Variants in FTO observed in about 807,000 individuals in gnomAD.
FTO encodes the protein alpha-ketoglutarate-dependent dioxygenase FTO.
In FTO, 47 loss-of-function variants were observed where a neutral mutation model predicts 63.9. The observed-to-expected ratio is 0.74, with a 90% CI of 0.58 to 0.94. The LOEUF (loss-of-function observed/expected upper bound fraction) is 0.94, where lower values mean the gene tolerates loss of function less well. Ranked by LOEUF, FTO falls within the 40% of genes least tolerant of loss-of-function variation. FTO has a pLI of 0.00. For missense variants in FTO, 562 were observed against 618.1 expected, an observed-to-expected ratio of 0.91 and a Z score of 0.96; for synonymous variants, 207 against 224.4, an observed-to-expected ratio of 0.92 and a Z score of 0.69.
intron 1 of FTO, among the ~76,000 whole-genome samples, chr16:53,738,351 A>T (rs1179725897): frequency 6.6e-6 from 1 of 152,180 alleles, no homozygotes; most frequent in African/African-American, 2.4e-5. Flanking sequence ...TATGTTGCCT[A>T]GGCTGTTCTT....
intron 1 of FTO, among the ~76,000 whole-genome samples, chr16:53,772,611 C>A (rs1052378793): frequency 6.6e-6 from 1 of 152,142 alleles, no homozygotes; most frequent in Admixed American, 6.6e-5. Flanking sequence ...ATACATACCA[C>A]ACCTCTTTTC....
intron 4 of FTO, among the ~76,000 whole-genome samples, chr16:53,846,419 T>C (rs1197275724): frequency 1.3e-5 from 2 of 152,216 alleles, no homozygotes; most frequent in Admixed American, 1.3e-4. Flanking sequence ...CTTTGGATAC[T>C]TTGTTCAGAA....
At chr16:53,796,469 A>C (rs1299519907) in intron 1 of FTO, among the ~76,000 whole-genome samples, 2 of 152,176 alleles carry the variant, frequency 1.3e-5, no homozygotes, top group Non-Finnish European at 2.9e-5. Context: ...TAAAGCTAAA[A>C]CTCTGGAGAA....
At chr16:53,930,221 CTTT>C (rs1014205147) in intron 7 of FTO, among the ~76,000 whole-genome samples, 4 of 75,690 alleles carry the variant, frequency 5.3e-5, no homozygotes, top group Non-Finnish European at 1.0e-4. Context: ...TGATTATCTT[CTTT>C]TTTTTTTTTT....
chr16:53,871,725 C>CTT (rs926713796), intron 4 of FTO, among the ~76,000 whole-genome samples: 2 of 145,208 alleles, frequency 1.4e-5, no homozygotes, highest in African/African-American at 2.5e-5. Context: ...AAGTTGGATC[C>CTT]TTTTTTTTTT....
intron 8 of FTO, among the ~76,000 whole-genome samples, chr16:54,076,997 G>A (rs1258057487): frequency 1.3e-5 from 2 of 152,180 alleles, no homozygotes; most frequent in African/African-American, 2.4e-5. Context: ...ATCGGCCTAT[G>A]TGATTATTTG....
At chr16:53,958,634 G>A (rs920811022) in intron 8 of FTO, among the ~76,000 whole-genome samples, 2 of 152,222 alleles carry the variant, frequency 1.3e-5, no homozygotes, top group Non-Finnish European at 2.9e-5. Flanking sequence ...GTGACCTTGA[G>A]TGGAAGCAGC....
At chr16:53,731,799 C>T (rs2076276019) in intron 1 of FTO, among the ~76,000 whole-genome samples, 1 of 147,414 alleles carries the variant, frequency 6.8e-6, no homozygotes, top group Non-Finnish European at 1.5e-5. Flanking sequence ...CCAGGCTGGA[C>T]TGCAGTGGCA....
At chr16:53,712,130 G>C (rs1175827262) in intron 1 of FTO, among the ~76,000 whole-genome samples, 1 of 152,044 alleles carries the variant, frequency 6.6e-6, no homozygotes, top group Admixed American at 6.5e-5. Flanking sequence ...AAGAAAGTTT[G>C]TTATTTATGT....
chr16:54,100,152 G>C (rs1182388009), intron 8 of FTO, among the ~76,000 whole-genome samples: 1 of 152,158 alleles, frequency 6.6e-6, no homozygotes, highest in Non-Finnish European at 1.5e-5. Flanking sequence ...AATGATTCTC[G>C]TGATGTCTGT....
intron 8 of FTO, among the ~76,000 whole-genome samples, chr16:54,054,886 G>A (rs987497886): frequency 1.3e-4 from 20 of 152,278 alleles, no homozygotes; most frequent in African/African-American, 2.6e-4. Context: ...CCTCTCTTGC[G>A]AAGTAAAATA....
chr16:54,023,621 C>T (rs538051204), intron 8 of FTO, among the ~76,000 whole-genome samples: 2 of 152,318 alleles, frequency 1.3e-5, no homozygotes, highest in African/African-American at 4.8e-5. Context: ...TCGTAGCATT[C>T]TCGTTAATCT....
intron 8 of FTO, among the ~76,000 whole-genome samples, chr16:54,006,971 G>A (rs2084221508): frequency 6.6e-6 from 1 of 152,158 alleles, no homozygotes; most frequent in African/African-American, 2.4e-5. Context: ...CCAGACTTTG[G>A]CTGGTTTCCT....
At chr16:53,985,298 C>A (rs1567496001) in intron 8 of FTO, among the ~76,000 whole-genome samples, 1 of 152,106 alleles carries the variant, frequency 6.6e-6, no homozygotes, top group South Asian at 2.1e-4. Context: ...CTGAAGAGAC[C>A]GATTCAAAGC....
chr16:53,748,826 C>T (rs926096451), intron 1 of FTO, among the ~76,000 whole-genome samples: 3 of 151,808 alleles, frequency 2.0e-5, no homozygotes, highest in South Asian at 2.1e-4. Flanking sequence ...TGCAGTGGTG[C>T]GATTTCAGCT....
At chr16:54,089,083 G>A (rs1415258012) in intron 8 of FTO, among the ~76,000 whole-genome samples, 5 of 152,150 alleles carry the variant, frequency 3.3e-5, no homozygotes, top group African/African-American at 1.2e-4. Flanking sequence ...GGGATCTCAG[G>A]TACTGTCATT....
chr16:54,030,428 G>A (rs912500269), intron 8 of FTO, among the ~76,000 whole-genome samples: 7 of 152,184 alleles, frequency 4.6e-5, no homozygotes, highest in Admixed American at 6.5e-5. Flanking sequence ...TTATCTGGCA[G>A]CCCTTATAGC....
At chr16:53,779,819 G>T (rs2077545006) in intron 1 of FTO, among the ~76,000 whole-genome samples, 2 of 152,128 alleles carry the variant, frequency 1.3e-5, no homozygotes. Context: ...TGTGTTAGAT[G>T]CTCTAGTAGG....
At chr16:54,006,964 G>C (rs1366820746) in intron 8 of FTO, among the ~76,000 whole-genome samples, 3 of 152,220 alleles carry the variant, frequency 2.0e-5, no homozygotes, top group African/African-American at 7.2e-5. Flanking sequence ...GGGTGAGCCA[G>C]ACTTTGGCTG....
Sources: allele counts gnomAD v4.1 joint callset (sites outside exome capture counted in the v4.1 genomes callset), GRCh38; gene constraint gnomAD v4.1.1; transcripts MANE v1.5; gene names NCBI Gene and HGNC (gene_info 2026-07-23, HGNC 2026-07-21).